ARK2N: variants seen among roughly 807,000 people sequenced by gnomAD.
ARK2N encodes the protein arkadia (RNF111) N-terminal like PKA signaling regulator 2N.
chr18:46,213,810 C>G, the ARK2N span, among the ~76,000 whole-genome samples: 249 of 152,262 alleles, frequency 1.6e-3, 2 homozygotes, highest in African/African-American at 5.4e-3. Context: ...AGTTCTTTTG[C>G]CTCAGCCTCC....
the ARK2N span, among the ~76,000 whole-genome samples, chr18:46,251,469 A>C: frequency 6.6e-6 from 1 of 152,332 alleles, no homozygotes; most frequent in Non-Finnish European, 1.5e-5. Context: ...TCTGGATTAC[A>C]AACCCACGCA....
chr18:46,224,732 A>G, the ARK2N span, among the ~76,000 whole-genome samples: 1 of 152,258 alleles, frequency 6.6e-6, no homozygotes, highest in Admixed American at 6.5e-5. Context: ...AAAGCTATGA[A>G]AAATGATAAT....
At chr18:46,232,854 A>G in the ARK2N span, 1 of 152,126 alleles carries the variant, frequency 6.6e-6, no homozygotes, top group Non-Finnish European at 1.5e-5. Flanking sequence ...TACTGTTTTT[A>G]TTTTATTGCA....
chr18:46,227,660 C>T, the ARK2N span, among the ~76,000 whole-genome samples: 4 of 151,914 alleles, frequency 2.6e-5, no homozygotes, highest in Non-Finnish European at 5.9e-5. Flanking sequence ...TGCAATGGCA[C>T]GAACCCGACT....
the ARK2N span, among the ~76,000 whole-genome samples, chr18:46,257,774 G>A: frequency 6.6e-6 from 1 of 151,958 alleles, no homozygotes; most frequent in Non-Finnish European, 1.5e-5. Context: ...TTATGGAACC[G>A]TGTTGGAACA....
the ARK2N span, among the ~76,000 whole-genome samples, chr18:46,210,490 C>G: frequency 2.0e-5 from 3 of 152,108 alleles, no homozygotes; most frequent in African/African-American, 4.8e-5. Context: ...GATTGTGGTA[C>G]CTTTCCAAAA....
At chr18:46,203,869 G>A in the ARK2N span, among the ~76,000 whole-genome samples, 1 of 152,148 alleles carries the variant, frequency 6.6e-6, no homozygotes, top group South Asian at 2.1e-4. Flanking sequence ...TTACAGGTGT[G>A]AGCCACCGCA....
the ARK2N span, chr18:46,263,809 A>G: frequency 6.6e-6 from 1 of 152,646 alleles, no homozygotes; most frequent in Non-Finnish European, 1.5e-5. Flanking sequence ...TCTTTGCAAA[A>G]TGTCTCCTTT....
chr18:46,174,059 C>T, the ARK2N span: 2 of 152,470 alleles, frequency 1.3e-5, no homozygotes, highest in African/African-American at 4.8e-5. Context: ...GGAACGGCCT[C>T]TGGTGACATT....
the ARK2N span, among the ~76,000 whole-genome samples, chr18:46,221,433 G>A: frequency 9.3e-5 from 14 of 150,502 alleles, no homozygotes; most frequent in Middle Eastern, 3.4e-3. Flanking sequence ...GGTGGCGCGC[G>A]TCTGTAGTCC....
the ARK2N span, among the ~76,000 whole-genome samples, chr18:46,198,385 GT>G: frequency 6.7e-6 from 1 of 149,810 alleles, no homozygotes; most frequent in Admixed American, 6.7e-5. Flanking sequence ...TTGTAATGCA[GT>G]TTTGAAAGAT....
At chr18:46,224,408 A>G in the ARK2N span, among the ~76,000 whole-genome samples, 4 of 152,244 alleles carry the variant, frequency 2.6e-5, no homozygotes, top group Admixed American at 2.0e-4. Flanking sequence ...TGTGATAAGA[A>G]TCATCACCTA....
chr18:46,214,809 A>G, the ARK2N span, among the ~76,000 whole-genome samples: 2 of 152,182 alleles, frequency 1.3e-5, no homozygotes, highest in Non-Finnish European at 1.5e-5. Context: ...ATTGTGGATA[A>G]AACATCTATT....
the ARK2N span, among the ~76,000 whole-genome samples, chr18:46,210,378 A>G: frequency 6.6e-6 from 1 of 152,252 alleles, no homozygotes; most frequent in African/African-American, 2.4e-5. Flanking sequence ...GACATGAGCA[A>G]CTGAGATAAT....
chr18:46,188,014 G>A, the ARK2N span, among the ~76,000 whole-genome samples: 1 of 152,068 alleles, frequency 6.6e-6, no homozygotes, highest in African/African-American at 2.4e-5. Context: ...TATTGATTAA[G>A]CATTTGGCAT....
At chr18:46,187,389 T>G in the ARK2N span, among the ~76,000 whole-genome samples, 458 of 151,082 alleles carry the variant, frequency 3.0e-3, 2 homozygotes, top group African/African-American at 0.011. Context: ...TCACCCGGGC[T>G]GGAGTGCAGT....
chr18:46,208,990 A>G, the ARK2N span, among the ~76,000 whole-genome samples: 2 of 152,222 alleles, frequency 1.3e-5, no homozygotes, highest in African/African-American at 2.4e-5. Context: ...GGTAGCCAGC[A>G]AGAAGATAGG....
At chr18:46,180,281 A>G in the ARK2N span, among the ~76,000 whole-genome samples, 1 of 152,250 alleles carries the variant, frequency 6.6e-6, no homozygotes, top group Non-Finnish European at 1.5e-5. Context: ...AGTATTTTCT[A>G]GTTAAGTGAC....
chr18:46,224,431 T>G, the ARK2N span, among the ~76,000 whole-genome samples: 1 of 152,190 alleles, frequency 6.6e-6, no homozygotes, highest in African/African-American at 2.4e-5. Flanking sequence ...AGTGATTGTG[T>G]AATGATTGAG....
Sources: allele counts gnomAD v4.1 joint callset (sites outside exome capture counted in the v4.1 genomes callset), GRCh38; gene constraint gnomAD v4.1.1; transcripts MANE v1.5; gene names NCBI Gene and HGNC (gene_info 2026-07-23, HGNC 2026-07-21).